Variants in ANKRD24 observed in about 807,000 individuals in gnomAD.
ANKRD24 encodes ankyrin repeat domain-containing protein 24.
Under a neutral mutation model 127.8 loss-of-function variants are expected in ANKRD24, and 109 were observed. The observed-to-expected ratio is 0.85, with a 90% CI of 0.73 to 1.00. The LOEUF (loss-of-function observed/expected upper bound fraction) is 1.00, where lower values mean the gene tolerates loss of function less well. Ranked by LOEUF, ANKRD24 falls within the 50% of genes least tolerant of loss-of-function variation. The probability of loss-of-function intolerance (pLI) is 0.00; values close to 1 mark genes in which losing one functional copy is unlikely to be tolerated. For missense variants in ANKRD24, 1,648 were observed against 1,570.2 expected (o/e 1.05, Z -0.84); for synonymous variants, 743 against 671.1 (o/e 1.11, Z -1.66).
At position 4,199,860 on chromosome 19, in the gene ANKRD24, G is replaced by C; in HGVS notation, c.124-15G>C. On this transcript the variant is annotated splice_polypyrimidine_tract_variant and intron_variant, in intron 3 of 21. Transcript: ENST00000318934. This position sits in a 1 kb window ranked among gnomAD's most constrained non-coding sequence, Gnocchi z 5.2. ...AGCCAACACTGCCCCACGCACTTCT[G>C]GGCGTGCCCTGCAGAGTCAAGACTG... 2 of 1,562,084 alleles carry C rather than the reference G, an allele frequency of 1.3e-6. No individual in the cohort carries two copies. Among genetic ancestry groups the C allele is most frequent in the East Asian group, 4.8e-5 (2 of 41,730 alleles).
chr19:4,197,997 G>A, intron 2 of ANKRD24: 1 of 404,856 alleles, frequency 2.5e-6, no homozygotes, highest in Non-Finnish European at 4.4e-6. Context: ...GAATGAATGA[G>A]TGAATGAATG....
intron 20 of ANKRD24, among the ~76,000 whole-genome samples, chr19:4,223,807 G>A (rs927779968): frequency 1.1e-4 from 16 of 151,470 alleles, no homozygotes; most frequent in East Asian, 5.9e-4. Context: ...CCTGTTATCC[G>A]CCCGCCTTGG....
Position 4,218,078 on chromosome 19 carries a change from C to A in ANKRD24, c.2918C>A (p.Thr973Asn). ...ALSEHERIVG[T>N]LQANVAQLEG... ...TCGGAGCACGAACGCATCGTGGGCA[C>A]CCTGCAGGCCAACGTGGCCCAGCTG... is the stretch of plus-strand genomic sequence containing the variant. The change falls in exon 18 of 22, where the codon ACC becomes AAC. Residue 973 changes from threonine (T) to asparagine (N), a missense_variant. Physicochemically the swap from Thr to Asn is moderately conservative, Grantham distance 65 (BLOSUM62 0). Transcript: ENST00000318934. The A allele has an allele frequency of 6.4e-7, 1 of 1,552,200 alleles. No homozygotes were observed.
At chr19:4,193,532 C>T (rs1031544526) in intron 2 of ANKRD24, among the ~76,000 whole-genome samples, 6 of 150,896 alleles carry the variant, frequency 4.0e-5, no homozygotes, top group Admixed American at 6.6e-5. Context: ...TGGATTACAC[C>T]GAGGGAAATG....
rs75403641 is a variant in ANKRD24, at chr19:4,210,038, T to C, written c.871-20T>C. 183,807 of 1,575,356 alleles carry C rather than the reference T, an allele frequency of 0.12. 12,011 individuals are homozygous for C. The highest frequency in any genetic ancestry group is 0.13 in the Non-Finnish European group (151,684 of 1,154,092). ...GCCCCCCGATCGGCCCCCTTCACTCTCTCTCCCCTCCCTTCCCAGAACTCT... is the reference window on the plus strand; with the variant it reads ...GCCCCCCGATCGGCCCCCTTCACTCCCTCTCCCCTCCCTTCCCAGAACTCT... On this transcript the variant is annotated intron_variant, in intron 11 of 21. Transcript: ENST00000318934.
At chr19:4,220,429 C>T (rs1970378175) in intron 19 of ANKRD24, among the ~76,000 whole-genome samples, 1 of 152,174 alleles carries the variant, frequency 6.6e-6, no homozygotes, top group South Asian at 2.1e-4. Flanking sequence ...GGTCACACAG[C>T]CATGCAGTCT....
At chr19:4,185,649 A>G (rs1189762823) in intron 1 of ANKRD24, among the ~76,000 whole-genome samples, 2 of 152,236 alleles carry the variant, frequency 1.3e-5, no homozygotes, top group Non-Finnish European at 2.9e-5. Context: ...AACGTCACAC[A>G]CATGCATGCA....
chr19:4,195,027 G>A lies in ANKRD24; in HGVS notation c.37-4656G>A, dbSNP rs1968619100. On this transcript the variant is annotated intron_variant, in intron 2 of 21. Coordinates refer to ENST00000318934, the MANE Select transcript of ANKRD24 (RefSeq NM_001393985.1). The surrounding 1 kb of genome is among the most constrained non-coding windows in gnomAD (Gnocchi z 4.2). ...GTGTCTCCCAGGCTGGAGTGCAGTG[G>A]TGCGATCTCGGCGTGAGCCACCGCG... 6.6e-6 allele frequency among the ~76,000 whole-genome samples: 1 copy of A among 151,200 alleles called. No individual in the cohort carries two copies. The highest frequency in any genetic ancestry group is 1.5e-5 in the Non-Finnish European group (1 of 67,852).
At chr19:4,194,341 C>T (rs554536906) in intron 2 of ANKRD24, among the ~76,000 whole-genome samples, 7 of 152,144 alleles carry the variant, frequency 4.6e-5, no homozygotes, top group Non-Finnish European at 8.8e-5. Context: ...TTAGTAGAGA[C>T]GGGGTTTCAC....
intron 2 of ANKRD24, among the ~76,000 whole-genome samples, chr19:4,190,707 C>T (rs986025846): frequency 2.0e-5 from 3 of 152,142 alleles, no homozygotes; most frequent in African/African-American, 4.8e-5. Context: ...CACGATTGCC[C>T]AGCCTGGGTG....
chr19:4,194,272 A>T (rs914078372), intron 2 of ANKRD24, among the ~76,000 whole-genome samples: 17 of 151,956 alleles, frequency 1.1e-4, no homozygotes, highest in African/African-American at 4.1e-4. Context: ...CCTGCCTCAG[A>T]CTCCCGAGCA....
At position 4,218,025 on chromosome 19, in the gene ANKRD24, G is replaced by A. The variant is rs371327054; in HGVS notation, c.2865G>A (p.Glu955=). The change falls in exon 18 of 22, where the codon GAG becomes GAA. Residue 955 remains glutamate (E), a synonymous_variant. Coordinates refer to ENST00000318934, the MANE Select transcript of ANKRD24 (RefSeq NM_001393985.1). ...CCGCCCGGCTGCGCGCGGAGCTGGA[G>A]CGGGAGCGTGTGTGCAGCGTGGCGC... ...KEAARLRAEL[E]RERVCSVALS... is the part of the protein sequence containing the mutation. 3 of 1,557,016 alleles carry A rather than the reference G, an allele frequency of 1.9e-6. No homozygotes were observed. The highest frequency in any genetic ancestry group is 4.9e-5 in the East Asian group (2 of 40,984).
intron 9 of ANKRD24, 65 bp from the exon 10 acceptor site, chr19:4,207,716 T>C: frequency 6.3e-7 from 1 of 1,585,472 alleles, no homozygotes; most frequent in East Asian, 2.3e-5. Context: ...CTGGCCTGGG[T>C]GCTGAGGTGG....
intron 7 of ANKRD24, among the ~76,000 whole-genome samples, chr19:4,206,389 G>C (rs1020427924): frequency 6.6e-6 from 1 of 151,564 alleles, no homozygotes; most frequent in Middle Eastern, 3.4e-3. Context: ...AGTCCCGGCG[G>C]CAGATTGCTT....
chr19:4,191,231 T>G, intron 2 of ANKRD24, among the ~76,000 whole-genome samples: 1 of 152,074 alleles, frequency 6.6e-6, no homozygotes, highest in East Asian at 1.9e-4. Flanking sequence ...CTTCTCCAGT[T>G]TCGCAGCAGG....
chr19:4,190,424 GAAAA>G (rs540316686), intron 2 of ANKRD24, among the ~76,000 whole-genome samples: 1 of 107,188 alleles, frequency 9.3e-6, no homozygotes, highest in Non-Finnish European at 1.9e-5. Context: ...ACTCCGTCTC[GAAAA>G]AAAAAAAAAA....
At chr19:4,193,767 G>A (rs1198503149) in intron 2 of ANKRD24, among the ~76,000 whole-genome samples, 1 of 148,374 alleles carries the variant, frequency 6.7e-6, no homozygotes, top group Admixed American at 6.8e-5. Context: ...AAGCCGGGAG[G>A]TGGAGTTTGC....
At chr19:4,185,472 C>T (rs1968008619) in intron 1 of ANKRD24, among the ~76,000 whole-genome samples, 1 of 152,060 alleles carries the variant, frequency 6.6e-6, no homozygotes, top group Non-Finnish European at 1.5e-5. Flanking sequence ...GAGGCAAATA[C>T]AGATTCTCCA....
Position 4,207,300 on chromosome 19 carries a change from C to A in ANKRD24, c.525C>A (p.Asn175Lys), listed in dbSNP as rs778410637. ...EVLCSFKAHL[N>K]PQDRSGATPL... ...TCTGCTCCTTTAAGGCACATCTAAA[C>A]CCCCAAGATCGGGTAAGCTTCTGGG... Residue 175 changes from asparagine to lysine, a missense_variant, in exon 8 of 22, where the codon AAC becomes AAA. Coordinates refer to ENST00000318934, the MANE Select transcript of ANKRD24 (RefSeq NM_001393985.1). The A allele has an allele frequency of 5.0e-6, 8 of 1,613,772 alleles. No individual in the cohort carries two copies. The highest frequency in any genetic ancestry group is 3.3e-5 in the Admixed American group (2 of 59,972).
Sources: allele counts gnomAD v4.1 joint callset (sites outside exome capture counted in the v4.1 genomes callset), GRCh38; gene constraint gnomAD v4.1.1; non-coding constraint Gnocchi (gnomAD v3.1); transcripts MANE v1.5; gene names NCBI Gene and HGNC (gene_info 2026-07-23, HGNC 2026-07-21).